Variants in PRDM5 observed in about 807,000 individuals in gnomAD.
PRDM5 encodes the protein PR domain zinc finger protein 5.
A neutral mutation model predicts 81.2 loss-of-function variants in PRDM5; 56 were observed. The ratio of observed to expected loss-of-function variants is 0.69; its 90% CI spans 0.56 to 0.86. The LOEUF is 0.86. PRDM5 is among the 40% of genes least tolerant of loss of function. PRDM5 has a pLI of 0.00. For synonymous variants in PRDM5, 267 were observed against 256.4 expected (o/e 1.04, Z -0.39); for missense variants, 697 against 770.1 (o/e 0.91, Z 1.12).
At chr4:120,687,101 C>T (rs899946186), downstream of PRDM5, among the ~76,000 whole-genome samples, 28 of 152,020 alleles carry the variant, frequency 1.8e-4, no homozygotes, top group Admixed American at 4.6e-4. Context: ...TTAATTTAAA[C>T]GTACTTATTT....
At chr4:120,885,068 G>A (rs985593714) in intron 2 of PRDM5, among the ~76,000 whole-genome samples, 1 of 145,746 alleles carries the variant, frequency 6.9e-6, no homozygotes, top group African/African-American at 2.6e-5. Flanking sequence ...CCGGGAGGGC[G>A]AGCTTGCAGT....
Position 120,799,749 on chromosome 4 carries a change from CA to C in PRDM5, c.946-5del, listed in dbSNP as rs1578781216. The C allele has an allele frequency of 6.2e-7, 1 of 1,611,306 alleles. No homozygotes were observed. ...GACAATCAAATATCTCATGAATCTG[CA>C]AAAGGTTAAATAGACAGTTAAATCA... On this transcript the variant is annotated splice_polypyrimidine_tract_variant and splice_region_variant and intron_variant, in intron 8 of 15. Transcript: ENST00000264808.
At chr4:120,699,098 T>C (rs953218192) in intron 15 of PRDM5, among the ~76,000 whole-genome samples, 4 of 145,190 alleles carry the variant, frequency 2.8e-5, no homozygotes, top group African/African-American at 1.0e-4. Context: ...GATTTTAAGA[T>C]GGGATACATA....
intron 1 of PRDM5, among the ~76,000 whole-genome samples, chr4:120,915,237 A>G (rs1389219653): frequency 6.6e-6 from 1 of 152,208 alleles, no homozygotes; most frequent in East Asian, 1.9e-4. Flanking sequence ...CTGCAAAATC[A>G]TAACTTTTCT....
At chr4:120,770,244 G>A (rs1190200295) in intron 13 of PRDM5, among the ~76,000 whole-genome samples, 1 of 152,034 alleles carries the variant, frequency 6.6e-6, no homozygotes, top group Admixed American at 6.6e-5. Context: ...GGCCAGGCTG[G>A]TCTCAAACTC....
intron 3 of PRDM5, chr4:120,839,356 T>A (rs1757731640): frequency 2.9e-6 from 2 of 694,732 alleles, no homozygotes; most frequent in Non-Finnish European, 2.6e-6. Flanking sequence ...ACAGAACAGC[T>A]CAGAGGAAAC....
chr4:120,833,582 A>C (rs1756973103), intron 3 of PRDM5, among the ~76,000 whole-genome samples: 1 of 152,170 alleles, frequency 6.6e-6, no homozygotes, highest in Admixed American at 6.6e-5. Context: ...TTCTACCATA[A>C]CATTTTGAGG....
intron 1 of PRDM5, among the ~76,000 whole-genome samples, chr4:120,912,042 G>C (rs1323736192): frequency 6.6e-6 from 1 of 152,084 alleles, no homozygotes. Context: ...TATAAATAAA[G>C]GGGGAATATT....
intron 7 of PRDM5, among the ~76,000 whole-genome samples, chr4:120,814,957 T>C (rs1754298673): frequency 6.6e-6 from 1 of 152,224 alleles, no homozygotes; most frequent in African/African-American, 2.4e-5. Flanking sequence ...ATTTCCAGAA[T>C]TAATAATATT....
At chr4:120,869,233 G>A (rs1238131173) in intron 2 of PRDM5, among the ~76,000 whole-genome samples, 1 of 152,034 alleles carries the variant, frequency 6.6e-6, no homozygotes, top group Non-Finnish European at 1.5e-5. Context: ...GGAAATTATA[G>A]ACCAAATCAT....
chr4:120,725,217 T>A (rs1739219396), intron 14 of PRDM5, among the ~76,000 whole-genome samples: 1 of 152,094 alleles, frequency 6.6e-6, no homozygotes, highest in Non-Finnish European at 1.5e-5. Context: ...AAGTTTTTTT[T>A]TTTTACTTAG....
intron 11 of PRDM5, among the ~76,000 whole-genome samples, chr4:120,784,054 T>C (rs1561218929): frequency 6.6e-6 from 1 of 152,116 alleles, no homozygotes; most frequent in East Asian, 1.9e-4. Flanking sequence ...AACTTAAAAG[T>C]AAGAAGTGTA....
intron 2 of PRDM5, among the ~76,000 whole-genome samples, chr4:120,863,189 T>TACAC (rs1232966826): frequency 0.016 from 588 of 37,314 alleles, 4 homozygotes; most frequent in Non-Finnish European, 0.033. Flanking sequence ...TATATATATA[T>TACAC]ATACACACAC....
rs75167771 is a variant in PRDM5 at position 120,902,499 on chromosome 4, G to A, written c.177+4975C>T. Among the ~76,000 whole-genome samples, 436 of 152,278 alleles carry A rather than the reference G, an allele frequency of 2.9e-3. 2 individuals carry two copies. The highest frequency in any genetic ancestry group is 0.01 in the African/African-American group (419 of 41,558). On this transcript the variant is annotated intron_variant, in intron 2 of 15. Transcript: ENST00000264808. ...CAAGCTCCAAACCACCTGGCAAAAA[G>A]TAGACAGAAAGACTTCTAATTAAGA...
intron 15 of PRDM5, among the ~76,000 whole-genome samples, chr4:120,707,182 C>G (rs879644465): frequency 6.6e-6 from 1 of 151,962 alleles, no homozygotes; most frequent in Non-Finnish European, 1.5e-5. Context: ...AACAAACAAG[C>G]AAGCAAAATA....
intron 2 of PRDM5, among the ~76,000 whole-genome samples, chr4:120,907,106 G>A (rs934109197): frequency 2.6e-5 from 4 of 151,660 alleles, no homozygotes; most frequent in Admixed American, 1.3e-4. Flanking sequence ...AGGCCGAGAC[G>A]GGTAGATCAC....
At chr4:120,716,344 T>C (rs17346468) in intron 14 of PRDM5, among the ~76,000 whole-genome samples, 10,398 of 152,222 alleles carry the variant, frequency 0.068, 421 homozygotes, top group South Asian at 0.1. Flanking sequence ...GAAAGGTTCT[T>C]CCAATTAAAG....
At position 120,734,421 on chromosome 4, in the gene PRDM5, T is replaced by TACAC. The variant is rs149559268; in HGVS notation, c.1623+20128_1623+20131dup. 5.2e-3 allele frequency among the ~76,000 whole-genome samples: 715 copies of TACAC among 138,168 alleles called. 5 individuals are homozygous for TACAC. Among genetic ancestry groups the TACAC allele is most frequent in the Middle Eastern group, 0.014 (4 of 286 alleles). 90.6% of individuals were successfully genotyped at this position (138,168 alleles called of 152,430 possible). ...ACACACACACACACACACACACAAA[T>TACAC]ACACACACACACACACACACACACA... On this transcript the variant is annotated intron_variant, in intron 14 of 15. Transcript: ENST00000264808.
rs1346450792 is a variant in PRDM5 at position 120,710,332 on chromosome 4, C to T, written c.1705G>A (p.Gly569Arg). ...ACATCACACTGAAAAGGCTTTTCTC[C>T]AGTGTGCGTCCTCTTGTGCTCATCC... ...GLDEHKRTHT[G>R]EKPFQCDVCD... Residue 569 changes from glycine to arginine, a missense_variant, in exon 15 of 16, where the codon GGA becomes AGA. This residue lies in a region of PRDM5 where 86 missense variants were observed against 135.2 expected (regional missense o/e 0.64). Transcript: ENST00000264808. 4 of 1,613,926 alleles carry T rather than the reference C, an allele frequency of 2.5e-6. No homozygotes were observed. The highest frequency in any genetic ancestry group is 3.4e-6 in the Non-Finnish European group (4 of 1,179,986).
Sources: allele counts gnomAD v4.1 joint callset (sites outside exome capture counted in the v4.1 genomes callset), GRCh38; gene constraint gnomAD v4.1.1; regional missense constraint gnomAD v4.1.1; transcripts MANE v1.5; gene names NCBI Gene and HGNC (gene_info 2026-07-23, HGNC 2026-07-21).